Variants in CDH8 observed in about 807,000 individuals in gnomAD.
CDH8 encodes the protein cadherin-8.
CDH8 carries 17 observed loss-of-function variants against 68.1 expected under a neutral mutation model. That is an observed-to-expected ratio of 0.25 (90% CI 0.17 to 0.37). The LOEUF is 0.37. Ranked by LOEUF, CDH8 falls within the 10% of genes least tolerant of loss-of-function variation. The probability of loss-of-function intolerance (pLI) is 1.00; values close to 1 mark genes in which losing one functional copy is unlikely to be tolerated. For missense variants in CDH8, 763 were observed against 999.3 expected (o/e 0.76, Z 3.19); for synonymous variants, 372 against 365.1 (o/e 1.02, Z -0.21).
At chr16:61,783,825 C>A (rs1215777297) in intron 8 of CDH8, among the ~76,000 whole-genome samples, 1 of 152,124 alleles carries the variant, frequency 6.6e-6, no homozygotes, top group Non-Finnish European at 1.5e-5. Context: ...AATTTCATGT[C>A]CAGCCAAACT....
At chr16:61,721,318 A>T (rs548643476) in intron 9 of CDH8, among the ~76,000 whole-genome samples, 16 of 151,054 alleles carry the variant, frequency 1.1e-4, no homozygotes, top group African/African-American at 3.9e-4. Context: ...TATCAATTTC[A>T]TCTGTTTTAA....
At chr16:61,959,637 C>T (rs58912565) in intron 2 of CDH8, among the ~76,000 whole-genome samples, 5,042 of 150,634 alleles carry the variant, frequency 0.033, 88 homozygotes, top group South Asian at 0.053. Flanking sequence ...CACACACATA[C>T]ACAGAAAGAG....
chr16:61,695,121 C>A (rs1259722365), intron 10 of CDH8, among the ~76,000 whole-genome samples: 1 of 151,854 alleles, frequency 6.6e-6, no homozygotes, highest in Non-Finnish European at 1.5e-5. Context: ...TTCTGCTGTA[C>A]ACAAATTCCC....
At chr16:61,956,999 T>C (rs1264547873) in intron 2 of CDH8, among the ~76,000 whole-genome samples, 1 of 152,228 alleles carries the variant, frequency 6.6e-6, no homozygotes, top group Non-Finnish European at 1.5e-5. Context: ...TAATTTAGTA[T>C]TTCCAACTGA....
intron 10 of CDH8, among the ~76,000 whole-genome samples, chr16:61,674,443 G>C (rs1963857552): frequency 7.9e-6 from 1 of 126,140 alleles, no homozygotes; most frequent in Non-Finnish European, 1.6e-5. Context: ...GACAGTGCAA[G>C]ACTCCAACTC....
At chr16:62,032,666 G>A (rs1902355276) in intron 1 of CDH8, among the ~76,000 whole-genome samples, 1 of 152,250 alleles carries the variant, frequency 6.6e-6, no homozygotes, top group East Asian at 1.9e-4. Context: ...AGGCTTCTCC[G>A]ATTATGCTTG....
intron 10 of CDH8, among the ~76,000 whole-genome samples, chr16:61,697,041 C>T (rs1252626525): frequency 3.3e-5 from 5 of 152,286 alleles, no homozygotes; most frequent in African/African-American, 9.6e-5. Flanking sequence ...CTCAGCAACA[C>T]ACAATTTACC....
intron 7 of CDH8, among the ~76,000 whole-genome samples, chr16:61,816,236 T>TGCTCTTC (rs1962071827): frequency 6.6e-6 from 1 of 152,172 alleles, no homozygotes; most frequent in Admixed American, 6.5e-5. Context: ...AAACAAAAAG[T>TGCTCTTC]GCTCTTCTGG....
chr16:61,682,996 T>G (rs951444391), intron 10 of CDH8, among the ~76,000 whole-genome samples: 1 of 151,994 alleles, frequency 6.6e-6, no homozygotes, highest in Admixed American at 6.6e-5. Flanking sequence ...TTCAAAGAAA[T>G]ACAAGTGGAG....
chr16:61,952,548 T>A (rs1489686751), intron 2 of CDH8, among the ~76,000 whole-genome samples: 1 of 151,652 alleles, frequency 6.6e-6, no homozygotes, highest in East Asian at 1.9e-4. Context: ...GCAGAGGAGG[T>A]GAATTCAAAA....
chr16:61,897,640 T>C (rs1963892824), intron 3 of CDH8, among the ~76,000 whole-genome samples: 1 of 152,096 alleles, frequency 6.6e-6, no homozygotes, highest in Non-Finnish European at 1.5e-5. Context: ...GAAATCATAA[T>C]GAGGCAAAAA....
At chr16:62,010,761 A>G (rs1408075001) in intron 2 of CDH8, among the ~76,000 whole-genome samples, 1 of 152,014 alleles carries the variant, frequency 6.6e-6, no homozygotes, top group African/African-American at 2.4e-5. Context: ...CAACATGGAG[A>G]AACACGATCT....
At chr16:61,742,910 G>A (rs1959915272) in intron 8 of CDH8, among the ~76,000 whole-genome samples, 1 of 151,864 alleles carries the variant, frequency 6.6e-6, no homozygotes. Context: ...TGTCAGAGTT[G>A]GTAATTATGT....
chr16:61,809,668 CATG>C (rs1961892451), intron 7 of CDH8, among the ~76,000 whole-genome samples: 1 of 152,216 alleles, frequency 6.6e-6, no homozygotes, highest in South Asian at 2.1e-4. Context: ...CAGAAAGCAT[CATG>C]ATATTTTCAT....
chr16:61,866,817 A>T (rs1963263691), intron 3 of CDH8, among the ~76,000 whole-genome samples: 1 of 152,154 alleles, frequency 6.6e-6, no homozygotes, highest in Admixed American at 6.5e-5. Flanking sequence ...AGGTGAGAGA[A>T]TTTTGGTTGA....
chr16:61,921,518 T>A (rs1196781011), intron 2 of CDH8, among the ~76,000 whole-genome samples: 3 of 152,200 alleles, frequency 2.0e-5, no homozygotes, highest in African/African-American at 7.2e-5. Context: ...TCAGAAAATC[T>A]GTCCCCGAAC....
At chr16:61,898,099 A>G (rs148786668) in intron 3 of CDH8, among the ~76,000 whole-genome samples, 257 of 152,230 alleles carry the variant, frequency 1.7e-3, no homozygotes, top group Middle Eastern at 0.01. Context: ...CAGGAGTTCA[A>G]AAGCAGCCTG....
At chr16:61,727,293 G>T in intron 8 of CDH8, 78 bp from the exon 9 acceptor site, 1 of 1,422,304 alleles carries the variant, frequency 7.0e-7, no homozygotes, top group Non-Finnish European at 9.6e-7. Flanking sequence ...TTGAAAGCAT[G>T]TGTGTCTGTT....
At chr16:61,886,284 C>T (rs912693171) in intron 3 of CDH8, among the ~76,000 whole-genome samples, 13 of 151,994 alleles carry the variant, frequency 8.6e-5, no homozygotes, top group African/African-American at 3.1e-4. Flanking sequence ...ATTTTTAAGG[C>T]CCATATAATA....
Sources: allele counts gnomAD v4.1 joint callset (sites outside exome capture counted in the v4.1 genomes callset), GRCh38; gene constraint gnomAD v4.1.1; transcripts MANE v1.5; gene names NCBI Gene and HGNC (gene_info 2026-07-23, HGNC 2026-07-21).